The following CDCP1 variants were observed in gnomAD, a reference collection of about 807,000 sequenced individuals.
CDCP1 encodes CUB domain-containing protein 1.
CDCP1 carries 29 observed loss-of-function variants against 60.2 expected under a neutral mutation model. The observed-to-expected ratio is 0.48, with a 90% confidence interval of 0.36 to 0.66. CDCP1 has a LOEUF of 0.66. Ranked by LOEUF, CDCP1 falls within the 30% of genes least tolerant of loss-of-function variation. CDCP1 has a pLI of 0.00. For synonymous variants in CDCP1, 387 were observed against 431.1 expected (o/e 0.90, Z 1.27); for missense variants, 876 against 1,074.3 (o/e 0.82, Z 2.58).
At chr3:45,131,865 G>A (rs1260093128) in intron 1 of CDCP1, among the ~76,000 whole-genome samples, 6 of 152,152 alleles carry the variant, frequency 3.9e-5, no homozygotes, top group Admixed American at 2.0e-4. Flanking sequence ...TGTAGGCCAC[G>A]CACTGAATAA....
intron 1 of CDCP1, among the ~76,000 whole-genome samples, chr3:45,145,356 T>G (rs187350723): frequency 3.0e-4 from 45 of 152,330 alleles, no homozygotes; most frequent in South Asian, 1.4e-3. Flanking sequence ...ATCAAGTTCT[T>G]ACATGAAGAA....
chr3:45,107,717 G>C (rs1698592044), intron 4 of CDCP1, among the ~76,000 whole-genome samples: 1 of 152,170 alleles, frequency 6.6e-6, no homozygotes, highest in African/African-American at 2.4e-5. Context: ...AGTAAGTGGG[G>C]GAACCAGATT....
In CDCP1 at chr3:45,091,136, G is replaced by T. The variant is rs1180906967; in HGVS notation, c.1993+37C>A. ...TCTATCCTCCAGCTGACAATTTTTT[G>T]TTCATCACTGTCCCCAAAGACCCTG... is the stretch of plus-strand genomic sequence containing the variant. On this transcript the variant is annotated intron_variant, in intron 7 of 8. Transcript: ENST00000296129. This position sits in a 1 kb window ranked among gnomAD's most constrained non-coding sequence, Gnocchi z 4.8. The T allele has an allele frequency of 8.3e-6, 13 of 1,573,546 alleles. No individual in the cohort carries two copies. In the Admixed American group the frequency reaches 1.3e-4, roughly 15 times the overall value.
chr3:45,098,106 A>G (rs1219128474), intron 4 of CDCP1, among the ~76,000 whole-genome samples: 1 of 151,886 alleles, frequency 6.6e-6, no homozygotes, highest in African/African-American at 2.4e-5. Context: ...CACACACTGC[A>G]GTGGTCTCCC....
At chr3:45,115,902 A>G (rs1452941870) in intron 2 of CDCP1, among the ~76,000 whole-genome samples, 1 of 152,146 alleles carries the variant, frequency 6.6e-6, no homozygotes, top group Non-Finnish European at 1.5e-5. Context: ...TTTCCTATCA[A>G]GGAACATGGC....
intron 4 of CDCP1, chr3:45,110,208 T>A (rs1698663431): frequency 2.2e-6 from 3 of 1,334,140 alleles, no homozygotes; most frequent in Non-Finnish European, 1.9e-6. Flanking sequence ...AAATGACCTT[T>A]CAATGCCTTC....
At chr3:45,112,597 GA>G (rs1698718701) in intron 2 of CDCP1, 152 bp from the exon 3 acceptor site, 1 of 1,041,518 alleles carries the variant, frequency 9.6e-7, no homozygotes, top group Admixed American at 2.4e-5. Flanking sequence ...CAACTGCTGT[GA>G]GTCTTAGTGG....
intron 1 of CDCP1, among the ~76,000 whole-genome samples, chr3:45,132,266 C>T (rs1056051943): frequency 2.6e-5 from 4 of 151,312 alleles, no homozygotes; most frequent in Non-Finnish European, 5.9e-5. Context: ...TAAAAGAAAA[C>T]GTTCTTACTT....
intron 4 of CDCP1, among the ~76,000 whole-genome samples, chr3:45,108,195 C>T (rs780490553): frequency 6.6e-6 from 1 of 152,070 alleles, no homozygotes; most frequent in Middle Eastern, 3.4e-3. Flanking sequence ...CTTGGGCTAG[C>T]CCTTGAAATT....
intron 7 of CDCP1, among the ~76,000 whole-genome samples, chr3:45,089,996 G>A (rs1416426889): frequency 6.6e-6 from 1 of 152,228 alleles, no homozygotes; most frequent in African/African-American, 2.4e-5. Flanking sequence ...AGAATGTCTT[G>A]CTTATTCACC....
intron 1 of CDCP1, among the ~76,000 whole-genome samples, chr3:45,128,881 C>T (rs1241403752): frequency 1.3e-5 from 2 of 152,170 alleles, no homozygotes; most frequent in Non-Finnish European, 2.9e-5. Context: ...CCATGCCTGG[C>T]TAATCTGTGT....
At chr3:45,142,568 C>T (rs1175637696) in intron 1 of CDCP1, among the ~76,000 whole-genome samples, 1 of 152,114 alleles carries the variant, frequency 6.6e-6, no homozygotes, top group Admixed American at 6.5e-5. Context: ...CAAGCACTAA[C>T]ACACTGATGG....
intron 1 of CDCP1, among the ~76,000 whole-genome samples, chr3:45,141,440 T>A (rs1279186193): frequency 2.0e-5 from 3 of 152,264 alleles, no homozygotes; most frequent in Non-Finnish European, 2.9e-5. Flanking sequence ...TTTGCATCGC[T>A]GTGCAGTGGA....
Position 45,091,430 on chromosome 3 carries a change from C to A in CDCP1, c.1736G>T (p.Ser579Ile), listed in dbSNP as rs1698294660. The A allele has an allele frequency of 1.9e-6, 3 of 1,613,388 alleles. No individual in the cohort carries two copies. The highest frequency in any genetic ancestry group is 2.5e-6 in the Non-Finnish European group (3 of 1,179,664). Reference sequence around the variant, plus strand: ...GCAGGCCACCTGGTCTCTGGGCACGCTGATGTTCCAGGACACAGAGGTGAG... The same window carrying A: ...GCAGGCCACCTGGTCTCTGGGCACGATGATGTTCCAGGACACAGAGGTGAG... ...PSLTSVSWNISVPRDQVACLT... is the reference protein window; with the variant it reads ...PSLTSVSWNIIVPRDQVACLT... The change falls in exon 7 of 9, where the codon AGC becomes ATC. Residue 579 changes from serine (S) to isoleucine (I), a missense_variant. Physicochemically the swap from Ser to Ile is moderately radical, Grantham distance 142 (BLOSUM62 -2). Around this residue, in one of 2 missense-constraint regions of CDCP1, gnomAD observed 726 missense variants for 935.7 expected, o/e 0.78. Coordinates refer to ENST00000296129, the MANE Select transcript of CDCP1 (RefSeq NM_022842.5). The surrounding 1 kb of genome is among the most constrained non-coding windows in gnomAD (Gnocchi z 4.8).
intron 1 of CDCP1, among the ~76,000 whole-genome samples, chr3:45,130,912 G>A (rs1156838273): frequency 2.6e-5 from 4 of 151,974 alleles, no homozygotes; most frequent in Non-Finnish European, 5.9e-5. Flanking sequence ...TGTTGCTCAG[G>A]CTGGAGTGCA....
At chr3:45,124,832 C>T (rs994159256) in intron 1 of CDCP1, among the ~76,000 whole-genome samples, 7 of 152,324 alleles carry the variant, frequency 4.6e-5, no homozygotes, top group African/African-American at 1.7e-4. Flanking sequence ...AGTTTATACC[C>T]TACCTCATAT....
intron 4 of CDCP1, among the ~76,000 whole-genome samples, chr3:45,102,080 A>AT (rs202246085): frequency 2.3e-4 from 35 of 150,660 alleles, no homozygotes; most frequent in East Asian, 7.8e-4. Flanking sequence ...TATTATCTTC[A>AT]TTTTTTTTTG....
chr3:45,087,882 C>G (rs1049969597), intron 8 of CDCP1, among the ~76,000 whole-genome samples: 7 of 151,976 alleles, frequency 4.6e-5, no homozygotes, highest in African/African-American at 1.7e-4. Flanking sequence ...ATTAGCTGGG[C>G]GTGGTGGCGG....
rs527561950 is a variant in CDCP1 at position 45,146,310 on chromosome 3, G to T, written c.-23C>A. 17 of 1,547,562 alleles carry T rather than the reference G, an allele frequency of 1.1e-5. No homozygotes were observed. Among genetic ancestry groups the T allele is most frequent in the Non-Finnish European group, 1.5e-5 (17 of 1,151,554 alleles). On this transcript the variant is annotated 5_prime_UTR_variant, in exon 1 of 9. Transcript: ENST00000296129. ...CATGACTCCGGGACGCCTCGGCCTCGGTGGGGAAAACGACGGTGGGGAGCG... is the reference window on the plus strand; with the variant it reads ...CATGACTCCGGGACGCCTCGGCCTCTGTGGGGAAAACGACGGTGGGGAGCG...
Sources: gnomAD v4.1 joint callset for allele counts (sites outside exome capture counted in the v4.1 genomes callset) on GRCh38, gnomAD v4.1.1 for gene constraint, gnomAD v4.1.1 regional missense constraint, Gnocchi (gnomAD v3.1) non-coding constraint, MANE v1.5 for transcripts, NCBI Gene and HGNC (gene_info 2026-07-23, HGNC 2026-07-21) for gene names.